Variants in USP31 observed in about 807,000 individuals in gnomAD.
USP31 encodes the protein ubiquitin carboxyl-terminal hydrolase 31.
USP31 carries 44 observed loss-of-function variants against 119.4 expected under a neutral mutation model. That is an observed-to-expected ratio of 0.37 (90% CI 0.29 to 0.47). The LOEUF (loss-of-function observed/expected upper bound fraction) is 0.47, where lower values mean the gene tolerates loss of function less well. Ranked by LOEUF, USP31 falls within the 20% of genes least tolerant of loss-of-function variation. The pLI, the probability that USP31 is intolerant of heterozygous loss-of-function variation, is 0.99. For missense variants in USP31, 1,643 were observed against 1,730.2 expected (o/e 0.95, Z 0.89); for synonymous variants, 749 against 705.6 (o/e 1.06, Z -0.97).
chr16:23,088,764 C>T lies in USP31; in HGVS notation c.1416-929G>A, dbSNP rs78610938. Among the ~76,000 whole-genome samples the T allele has an allele frequency of 3.2e-3, 494 of 152,288 alleles. 1 individual carries two copies. Among genetic ancestry groups the T allele is most frequent in the African/African-American group, 0.011 (466 of 41,558 alleles). On this transcript the variant is annotated intron_variant, in intron 7 of 15. Coordinates refer to ENST00000219689, the MANE Select transcript of USP31 (RefSeq NM_020718.4). ...TAAACAATGCCTGCTTATTTTTCTG[C>T]CTCCACCAATAGGCTGTGAGTTATT...
intron 1 of USP31, among the ~76,000 whole-genome samples, chr16:23,134,674 T>TAAAAAAAAAAAAAAAAAAAAAAA (rs371982166): frequency 1.2e-5 from 1 of 86,858 alleles, no homozygotes; most frequent in Non-Finnish European, 2.3e-5. Context: ...GAAACAAAGC[T>TAAAAAAAAAAAAAAAAAAAAAAA]AAAAAAAAAA....
chr16:23,149,156 C>T lies in USP31; in HGVS notation c.115G>A (p.Gly39Arg). ...GCCGGCCCGGACGCCCCGGGGCCCCCCGCGCCGCCGCCGCCAGCGCGGCCG... is the reference window on the plus strand; with the variant it reads ...GCCGGCCCGGACGCCCCGGGGCCCCTCGCGCCGCCGCCGCCAGCGCGGCCG... ...RSGRAGGGGAGGPGASGPAAP... is the reference protein window; with the variant it reads ...RSGRAGGGGARGPGASGPAAP... Residue 39 changes from glycine to arginine, a missense_variant, in exon 1 of 16, where the codon GGG (glycine) becomes AGG (arginine). By Grantham distance (125) the Gly-to-Arg change is moderately radical. This residue lies in a region of USP31 where 302 missense variants were observed against 262.6 expected (regional missense o/e 1.15). Coordinates refer to ENST00000219689, the MANE Select transcript of USP31 (RefSeq NM_020718.4). The T allele has an allele frequency of 8.5e-7, 1 of 1,172,614 alleles. No individual in the cohort carries two copies. Among genetic ancestry groups the T allele is most frequent in the Non-Finnish European group, 1.1e-6 (1 of 945,166 alleles). 72.6% of individuals were successfully genotyped at this position (1,172,614 alleles called of 1,614,324 possible).
chr16:23,144,168 A>G (rs972607074), intron 1 of USP31, among the ~76,000 whole-genome samples: 8 of 152,228 alleles, frequency 5.3e-5, no homozygotes, highest in African/African-American at 1.9e-4. Context: ...AAGAACTCTA[A>G]TTGAAAAACT....
intron 6 of USP31, among the ~76,000 whole-genome samples, chr16:23,091,180 A>C (rs574644716): frequency 1.3e-5 from 2 of 152,354 alleles, no homozygotes; most frequent in South Asian, 4.1e-4. Flanking sequence ...ATGTTCTTCA[A>C]TATTCAATAG....
At chr16:23,106,796 A>G (rs1902126246) in intron 2 of USP31, among the ~76,000 whole-genome samples, 1 of 151,984 alleles carries the variant, frequency 6.6e-6, no homozygotes, top group South Asian at 2.1e-4. Context: ...CTCCTCTAAT[A>G]AGTAATCCCC....
At position 23,148,945 on chromosome 16, in the gene USP31, G is replaced by A. The variant is rs1428639751; in HGVS notation, c.326C>T (p.Pro109Leu). 2.9e-6 allele frequency: 3 copies of A among 1,050,804 alleles called. No homozygotes were observed. Among genetic ancestry groups the A allele is most frequent in the Admixed American group, 1.1e-4 (2 of 17,568 alleles). 65.1% of individuals were successfully genotyped at this position (1,050,804 alleles called of 1,614,324 possible). The change falls in exon 1 of 16, where the codon CCG becomes CTG. Residue 109 changes from proline to leucine, a missense_variant. Pro to Leu is a moderately conservative substitution (Grantham distance 98). Around this residue, in one of 5 missense-constraint regions of USP31, gnomAD observed 302 missense variants for 262.6 expected, o/e 1.15. Transcript: ENST00000219689. ...GGGCGGCGCGGGAGAGGCGGGCGGC[G>A]GCGGGCACGGCGGCGGCGTGGGCGC... is the stretch of plus-strand genomic sequence containing the variant. ...AAAPTPPPCP[P>L]PPASPAPPAC...
Position 23,090,714 on chromosome 16 carries a change from C to CCCT in USP31, c.1322_1324dup (p.Gln441_Gly442insGlu). The CCCT allele has an allele frequency of 6.2e-7, 1 of 1,614,034 alleles. No individual in the cohort carries two copies. ...TCTTGATGTGGGAGAATCCATTTTC[C>CCCT]CCTGCTTTGCTGCTGTTTGTGTAGG... is the stretch of plus-strand genomic sequence containing the variant. On this transcript the variant is annotated inframe_insertion, in exon 7 of 16. Coordinates refer to ENST00000219689, the MANE Select transcript of USP31 (RefSeq NM_020718.4).
At chr16:23,076,061 G>T (rs953008652) in intron 13 of USP31, among the ~76,000 whole-genome samples, 29 of 152,028 alleles carry the variant, frequency 1.9e-4, no homozygotes, top group African/African-American at 6.8e-4. Flanking sequence ...CTCCAGCCTG[G>T]GTGACAAAGT....
At chr16:23,127,665 A>C (rs887757382) in intron 1 of USP31, among the ~76,000 whole-genome samples, 2 of 138,570 alleles carry the variant, frequency 1.4e-5, no homozygotes, top group Non-Finnish European at 3.1e-5. Flanking sequence ...TTTTTTGTAG[A>C]GACGGGGTTT....
chr16:23,110,632 G>A (rs1167899917), intron 1 of USP31, among the ~76,000 whole-genome samples: 1 of 152,096 alleles, frequency 6.6e-6, no homozygotes, highest in Non-Finnish European at 1.5e-5. Flanking sequence ...TAAGATCACG[G>A]GCTCTGGACC....
intron 10 of USP31, among the ~76,000 whole-genome samples, chr16:23,085,232 G>A (rs1320450727): frequency 6.6e-6 from 1 of 152,190 alleles, no homozygotes; most frequent in African/African-American, 2.4e-5. Flanking sequence ...GAACTGTACT[G>A]GTTAAACCAC....
chr16:23,085,167 T>G (rs534755857), intron 10 of USP31, among the ~76,000 whole-genome samples, 178 bp from the exon 11 acceptor site: 2 of 152,330 alleles, frequency 1.3e-5, no homozygotes, highest in East Asian at 3.9e-4. Context: ...CTTGAAAAGT[T>G]CTCTGTATAC....
rs915323753 is a variant in USP31 at position 23,064,803 on chromosome 16, A to C, written c.*3243T>G. The C allele has an allele frequency of 2.0e-5, 3 of 151,650 alleles. No individual in the cohort carries two copies. The highest frequency in any genetic ancestry group is 6.6e-5 in the Admixed American group (1 of 15,150). 9.4% of individuals were successfully genotyped at this position (151,650 alleles called of 1,614,324 possible). On this transcript the variant is annotated 3_prime_UTR_variant, in exon 16 of 16. Transcript: ENST00000219689. ...TCAGTTTTGCCTCTGTGCTCAAAGA[A>C]GGCCCTCCATAAACGTTTGCAGAAT... is the stretch of plus-strand genomic sequence containing the variant.
chr16:23,068,658 A>T lies in USP31; in HGVS notation c.3447T>A (p.Thr1149=). 1 of 1,614,232 alleles carries T rather than the reference A, an allele frequency of 6.2e-7. No homozygotes were observed. Among genetic ancestry groups the T allele is most frequent in the Admixed American group, 1.7e-5 (1 of 60,032 alleles). Residue 1149 remains threonine, a synonymous_variant, in exon 16 of 16, where the codon ACT becomes ACA. Transcript: ENST00000219689. ...CCTCTCTACTCAAGCTGTGGTCTGA[A>T]GTCCTGCTCTTCCCAGGTGGGAAAG... is the stretch of plus-strand genomic sequence containing the variant. ...RSPFPPGKSR[T]SDHSLSREGS...
intron 1 of USP31, among the ~76,000 whole-genome samples, chr16:23,115,595 T>A (rs920792827): frequency 6.6e-6 from 1 of 152,212 alleles, no homozygotes; most frequent in Non-Finnish European, 1.5e-5. Context: ...AATGTGGGTA[T>A]AGTGTTTCTG....
At chr16:23,107,848 C>A (rs1232706188) in intron 2 of USP31, among the ~76,000 whole-genome samples, 198 bp downstream of exon 2, 5 of 152,144 alleles carry the variant, frequency 3.3e-5, no homozygotes, top group African/African-American at 9.7e-5. Context: ...AAATTCCTTG[C>A]GGACAACAGC....
intron 1 of USP31, among the ~76,000 whole-genome samples, chr16:23,113,492 A>T (rs1047570628): frequency 6.6e-5 from 10 of 152,150 alleles, no homozygotes; most frequent in Non-Finnish European, 1.5e-4. Context: ...GGACAGACAA[A>T]CCTCCATGGA....
intron 9 of USP31, among the ~76,000 whole-genome samples, chr16:23,086,104 C>T (rs541921925): frequency 1.3e-5 from 2 of 152,254 alleles, no homozygotes; most frequent in Admixed American, 1.3e-4. Flanking sequence ...CTTCTTCCTC[C>T]TTCCTCCAAA....
chr16:23,086,346 T>G (rs920930696), intron 9 of USP31, among the ~76,000 whole-genome samples: 1 of 152,022 alleles, frequency 6.6e-6, no homozygotes, highest in African/African-American at 2.4e-5. Flanking sequence ...TATAATAATT[T>G]TTATTATAAA....
Sources: gnomAD v4.1 joint callset for allele counts (sites outside exome capture counted in the v4.1 genomes callset) on GRCh38, gnomAD v4.1.1 for gene constraint, gnomAD v4.1.1 regional missense constraint, MANE v1.5 for transcripts, NCBI Gene and HGNC (gene_info 2026-07-23, HGNC 2026-07-21) for gene names.